PIK3CB: variants seen among roughly 807,000 people sequenced by gnomAD.
The protein encoded by PIK3CB is phosphatidylinositol-4,5-bisphosphate 3-kinase catalytic subunit beta, also known as phosphatidylinositol 4,5-bisphosphate 3-kinase catalytic subunit beta isoform.
Under a neutral mutation model 136.8 loss-of-function variants are expected in PIK3CB, and 39 were observed. That is an observed-to-expected ratio of 0.29 (90% CI 0.22 to 0.37). PIK3CB has a LOEUF of 0.37. Ranked by LOEUF, PIK3CB falls within the 10% of genes least tolerant of loss-of-function variation. The pLI, the probability that PIK3CB is intolerant of heterozygous loss-of-function variation, is 1.00. For synonymous variants in PIK3CB, 428 were observed against 436.6 expected (o/e 0.98, Z 0.25); for missense variants, 868 against 1,275.4 (o/e 0.68, Z 4.87).
At chr3:138,743,189 T>C (rs2045278670) in intron 4 of PIK3CB, among the ~76,000 whole-genome samples, 1 of 152,182 alleles carries the variant, frequency 6.6e-6, no homozygotes, top group African/African-American at 2.4e-5. Context: ...TTCAATACTA[T>C]ATTAGAAGAA....
At chr3:138,667,359 T>C (rs889123545) in intron 19 of PIK3CB, among the ~76,000 whole-genome samples, 1 of 152,010 alleles carries the variant, frequency 6.6e-6, no homozygotes, top group Non-Finnish European at 1.5e-5. Flanking sequence ...TAAGGACTTC[T>C]GTCATACTCC....
chr3:138,786,385 T>C (rs1319661379), intron 2 of PIK3CB, among the ~76,000 whole-genome samples: 2 of 152,166 alleles, frequency 1.3e-5, no homozygotes, highest in Non-Finnish European at 2.9e-5. Flanking sequence ...GATGGAGTCT[T>C]GTTCTTGTCA....
At chr3:138,670,572 A>C (rs2043512837) in intron 19 of PIK3CB, among the ~76,000 whole-genome samples, 1 of 152,244 alleles carries the variant, frequency 6.6e-6, no homozygotes. Context: ...AGCCATACAT[A>C]ATATGTAACC....
At chr3:138,826,416 T>A in intron 1 of PIK3CB, 1 of 1,180,660 alleles carries the variant, frequency 8.5e-7, no homozygotes, top group Non-Finnish European at 1.2e-6. Flanking sequence ...GCCATTTAGG[T>A]TTAATAGTAA....
chr3:138,819,363 T>A (rs1222671078), intron 1 of PIK3CB, among the ~76,000 whole-genome samples: 23 of 150,240 alleles, frequency 1.5e-4, no homozygotes, highest in African/African-American at 5.1e-4. Flanking sequence ...AAAAAAAAAA[T>A]CACTACCAAC....
At chr3:138,708,478 C>G (rs901294560) in intron 10 of PIK3CB, among the ~76,000 whole-genome samples, 7 of 151,728 alleles carry the variant, frequency 4.6e-5, no homozygotes, top group African/African-American at 1.7e-4. Flanking sequence ...CCAGGCTGGT[C>G]TTGAACTCCT....
At chr3:138,680,114 C>T (rs2043737732) in intron 19 of PIK3CB, among the ~76,000 whole-genome samples, 1 of 152,124 alleles carries the variant, frequency 6.6e-6, no homozygotes, top group Non-Finnish European at 1.5e-5. Flanking sequence ...AATTCCAGCA[C>T]TTTGGGAGCC....
At position 138,742,663 on chromosome 3, in the gene PIK3CB, T is replaced by C; in HGVS notation, c.516A>G (p.Leu172=). 5 of 1,611,688 alleles carry C rather than the reference T, an allele frequency of 3.1e-6. No individual in the cohort carries two copies. The highest frequency in any genetic ancestry group is 4.2e-6 in the Non-Finnish European group (5 of 1,177,840). Residue 172 remains leucine, a synonymous_variant, in exon 5 of 24, where the codon CTA becomes CTG. Transcript: ENST00000674063. ...SLVGLSWMDW[L]KQTYPPEHEP... is the part of the protein sequence containing the mutation. Reference sequence around the variant, plus strand: ...CATGCTCTGGTGGATATGTTTGTTTTAGCCAGTCCATCCAAGACAATCCCA... The same window carrying C: ...CATGCTCTGGTGGATATGTTTGTTTCAGCCAGTCCATCCAAGACAATCCCA...
At chr3:138,725,002 C>T (rs1208690041) in intron 8 of PIK3CB, among the ~76,000 whole-genome samples, 3 of 151,508 alleles carry the variant, frequency 2.0e-5, no homozygotes, top group Non-Finnish European at 2.9e-5. Flanking sequence ...GAGGAAAATA[C>T]GGGGAAGGTG....
intron 8 of PIK3CB, among the ~76,000 whole-genome samples, chr3:138,726,313 T>A (rs2044835820): frequency 6.6e-6 from 1 of 152,230 alleles, no homozygotes; most frequent in African/African-American, 2.4e-5. Flanking sequence ...AGGCTGGGGT[T>A]CCCCTTTACT....
At chr3:138,741,940 C>T (rs188986188) in intron 5 of PIK3CB, among the ~76,000 whole-genome samples, 212 of 152,196 alleles carry the variant, frequency 1.4e-3, no homozygotes, top group Middle Eastern at 0.014. Context: ...TGTATAATTG[C>T]TATGAACATT....
In PIK3CB at chr3:138,744,392, CAAAAAAAAA is replaced by C. The variant is rs60503033; in HGVS notation, c.398-1620_398-1612del. ...ACTGGGTGACAGAGCGAGACTCCCC[CAAAAAAAAA>C]AAAAAAAAAAAAAAAAAAAAAGGAA... On this transcript the variant is annotated intron_variant, in intron 4 of 23. Transcript: ENST00000674063. Among the ~76,000 whole-genome samples, 41 of 45,108 alleles carry C rather than the reference CAAAAAAAAA, an allele frequency of 9.1e-4. 3 individuals are homozygous for C. The highest frequency in any genetic ancestry group is 5.0e-3 in the Admixed American group (15 of 2,974). 29.6% of individuals were successfully genotyped at this position (45,108 alleles called of 152,430 possible).
At chr3:138,826,410 T>C in intron 1 of PIK3CB, 1 of 1,284,812 alleles carries the variant, frequency 7.8e-7, no homozygotes, top group Non-Finnish European at 1.1e-6. Flanking sequence ...CAATCAGCCA[T>C]TTAGGTTTAA....
intron 1 of PIK3CB, among the ~76,000 whole-genome samples, chr3:138,799,892 T>A (rs1182052384): frequency 6.6e-6 from 1 of 152,118 alleles, no homozygotes; most frequent in African/African-American, 2.4e-5. Flanking sequence ...TTGCCCAGGC[T>A]GGTCTCGAAC....
chr3:138,712,174 G>T, intron 10 of PIK3CB, 34 bp downstream of exon 10: 1 of 1,057,996 alleles, frequency 9.5e-7, no homozygotes, highest in East Asian at 2.5e-5. Flanking sequence ...AGTTAGTTAT[G>T]CTTTAACACT....
At chr3:138,703,550 T>TTATATA (rs563928875) in intron 12 of PIK3CB, among the ~76,000 whole-genome samples, 1 of 150,778 alleles carries the variant, frequency 6.6e-6, no homozygotes, top group South Asian at 2.1e-4. Flanking sequence ...GTATACATAT[T>TTATATA]TATATATATA....
chr3:138,747,969 A>G (rs531080445), intron 4 of PIK3CB, among the ~76,000 whole-genome samples: 4 of 152,304 alleles, frequency 2.6e-5, no homozygotes, highest in Admixed American at 1.3e-4. Context: ...AAAAGAATGA[A>G]TCAACATACA....
chr3:138,698,265 A>G (rs934522831), intron 13 of PIK3CB, among the ~76,000 whole-genome samples: 1 of 152,220 alleles, frequency 6.6e-6, no homozygotes, highest in African/African-American at 2.4e-5. Context: ...GACCAAATTT[A>G]TTTGTTCTGA....
chr3:138,807,925 T>C (rs1356327642), intron 1 of PIK3CB, among the ~76,000 whole-genome samples: 8 of 151,026 alleles, frequency 5.3e-5, no homozygotes, highest in Non-Finnish European at 1.2e-4. Flanking sequence ...GCTTCCAAGA[T>C]GCCTTCTCTT....
Sources: gnomAD v4.1 joint callset for allele counts (sites outside exome capture counted in the v4.1 genomes callset) on GRCh38, gnomAD v4.1.1 for gene constraint, MANE v1.5 for transcripts, NCBI Gene and HGNC (gene_info 2026-07-23, HGNC 2026-07-21) for gene names.